Variants in KIF14 observed in about 807,000 individuals in gnomAD.
KIF14 encodes the protein kinesin family member 14, also known as kinesin-like protein KIF14.
A neutral mutation model predicts 176.2 loss-of-function variants in KIF14; 98 were observed. The ratio of observed to expected loss-of-function variants is 0.56; its 90% confidence interval spans 0.47 to 0.66. KIF14 has a LOEUF of 0.66. Among genes scored for constraint, KIF14 ranks in the 30% least tolerant of loss-of-function variants. The probability of loss-of-function intolerance (pLI) is 0.00; values close to 1 mark genes in which losing one functional copy is unlikely to be tolerated. For synonymous variants in KIF14, 566 were observed against 632.2 expected, an observed-to-expected ratio of 0.90 and a Z score of 1.57; for missense variants, 1,751 against 1,920.4, an observed-to-expected ratio of 0.91 and a Z score of 1.65.
intron 22 of KIF14, among the ~76,000 whole-genome samples, chr1:200,571,419 A>G (rs529382203): frequency 1.3e-5 from 2 of 152,036 alleles, no homozygotes; most frequent in African/African-American, 4.8e-5. Flanking sequence ...AATGGAGGCT[A>G]CCCTTTCTGC....
chr1:200,601,942 G>C lies in KIF14; in HGVS notation c.2106C>G (p.Val702=). 1.2e-6 allele frequency: 2 copies of C among 1,612,734 alleles called. No individual in the cohort carries two copies. Among genetic ancestry groups the C allele is most frequent in the Non-Finnish European group, 1.7e-6 (2 of 1,179,242 alleles). ...LRYANQARLI[V]NIAKVNEDMN... ...TATCTTCATTTACTTTAGCAATGTT[G>C]ACTATTAAACGGGCTTGGTTAGCAT... Residue 702 remains valine, a synonymous_variant, in exon 11 of 30, where the codon GTC becomes GTG. Coordinates refer to ENST00000367350, the MANE Select transcript of KIF14 (RefSeq NM_014875.3).
chr1:200,597,432 C>T (rs1659410118), intron 14 of KIF14, among the ~76,000 whole-genome samples: 1 of 151,960 alleles, frequency 6.6e-6, no homozygotes, highest in South Asian at 2.1e-4. Flanking sequence ...CAATAGTAAA[C>T]AAAAATGGCC....
At chr1:200,586,294 AT>A in intron 18 of KIF14, 67 bp from the exon 19 acceptor site, 1 of 1,314,016 alleles carries the variant, frequency 7.6e-7, no homozygotes, top group Non-Finnish European at 1.0e-6. Flanking sequence ...ATAACACCAC[AT>A]TGAGATGATG....
chr1:200,565,389 C>T, intron 24 of KIF14, 56 bp downstream of exon 24: 3 of 1,452,530 alleles, frequency 2.1e-6, no homozygotes, highest in Non-Finnish European at 2.8e-6. Flanking sequence ...AAACAAAGTG[C>T]AATGTGCAGA....
Position 200,568,921 on chromosome 1 carries a change from ATTTTTT to A in KIF14, c.3661+984_3661+989del, listed in dbSNP as rs144531910. ...AGTAGTCTATTGTTAGCAGGTAGTA[ATTTTTT>A]TTTTTTTTTTTTTTTGAGATGGAGT... is the stretch of plus-strand genomic sequence containing the variant. On this transcript the variant is annotated intron_variant, in intron 23 of 29. Transcript: ENST00000367350. Among the ~76,000 whole-genome samples, 7 of 106,660 alleles carry A rather than the reference ATTTTTT, an allele frequency of 6.6e-5. No individual in the cohort carries two copies. The South Asian group carries it at 8.8e-4, about 13-fold the overall frequency. The allele number at this position is 106,660 out of a possible 152,430, so 70.0% of individuals were successfully genotyped here.
intron 14 of KIF14, among the ~76,000 whole-genome samples, chr1:200,595,046 A>G (rs1357038493): frequency 6.6e-6 from 1 of 152,134 alleles, no homozygotes; most frequent in Non-Finnish European, 1.5e-5. Context: ...ATTTTCCCAT[A>G]AGAACCCCAT....
At chr1:200,587,529 T>C (rs1335404360) in intron 18 of KIF14, among the ~76,000 whole-genome samples, 1 of 152,104 alleles carries the variant, frequency 6.6e-6, no homozygotes, top group African/African-American at 2.4e-5. Flanking sequence ...AATAATTGTT[T>C]TGGGGCCGGG....
chr1:200,551,869 G>A lies in KIF14; in HGVS notation c.*1519C>T, dbSNP rs950748065. ...TTATTGACTAATAAAAACACATATA[G>A]AGCTTCAGAAAGAATACAAGGTCAA... On this transcript the variant is annotated 3_prime_UTR_variant, in exon 30 of 30. Coordinates refer to ENST00000367350, the MANE Select transcript of KIF14 (RefSeq NM_014875.3). 2 of 152,160 alleles carry A rather than the reference G, an allele frequency of 1.3e-5. No individual in the cohort carries two copies. The highest frequency in any genetic ancestry group is 6.5e-5 in the Admixed American group (1 of 15,272). 9.4% of individuals were successfully genotyped at this position (152,160 alleles called of 1,614,324 possible). A position where few individuals can be genotyped will look rare whatever the true frequency, so the allele number is the denominator to read the frequency against.
rs1337785766 is a variant in KIF14 at position 200,600,040 on chromosome 1, G to A, written c.2364+10C>T. 5.3e-6 allele frequency: 8 copies of A among 1,508,368 alleles called. No homozygotes were observed. The South Asian group carries it at 8.2e-5, about 15-fold the overall frequency. The allele number at this position is 1,508,368 out of a possible 1,614,324, so 93.4% of individuals were successfully genotyped here. On this transcript the variant is annotated intron_variant, in intron 13 of 29. Transcript: ENST00000367350. ...TATTTTCTAATCAGTTTAGAAAGTT[G>A]AAATAATACCTGTAACTCTTTTGTT...
In KIF14 at chr1:200,556,002, C is replaced by A. The variant is rs115344554; in HGVS notation, c.4354-548G>T. Among the ~76,000 whole-genome samples the A allele has an allele frequency of 2.7e-3, 407 of 152,208 alleles. 3 individuals are homozygous for A. Among genetic ancestry groups the A allele is most frequent in the African/African-American group, 9.4e-3 (392 of 41,530 alleles). On this transcript the variant is annotated intron_variant, in intron 27 of 29. Transcript: ENST00000367350. ...GGAAGGGGGTAAGTAACATATCAAG[C>A]AAATACTATACTCTAAAAACTTTAC...
rs764348405 is a variant in KIF14 at position 200,601,990 on chromosome 1, T to C, written c.2058A>G (p.Glu686=). The change falls in exon 11 of 30, where the codon GAA becomes GAG. Residue 686 remains glutamate, a synonymous_variant. Transcript: ENST00000367350. ...ATISPAASNI[E]ETLSTLRYAN... ...CATATCTAAGTGTGCTTAATGTTTC[T>C]TCTATGTTGCTGGCAGCGGGACTAA... is the stretch of plus-strand genomic sequence containing the variant. 1.2e-6 allele frequency: 2 copies of C among 1,613,964 alleles called. No individual in the cohort carries two copies. Among genetic ancestry groups the C allele is most frequent in the Non-Finnish European group, 1.7e-6 (2 of 1,179,914 alleles).
rs77750657 is a variant in KIF14, at chr1:200,585,801, C to T, written c.3241+300G>A. Among the ~76,000 whole-genome samples, 266 of 152,298 alleles carry T rather than the reference C, an allele frequency of 1.7e-3. 1 individual carries two copies. The highest frequency in any genetic ancestry group is 3.0e-3 in the Non-Finnish European group (202 of 68,030). On this transcript the variant is annotated intron_variant, in intron 19 of 29. Transcript: ENST00000367350. ...ATCTATGAGGGCTCTACCCTCATGA[C>T]TTACTCACCTGCCAAAGACCTCCAC...
At chr1:200,582,602 C>A (rs1322691547) in intron 19 of KIF14, among the ~76,000 whole-genome samples, 1 of 152,120 alleles carries the variant, frequency 6.6e-6, no homozygotes, top group Non-Finnish European at 1.5e-5. Context: ...GTAATCCCAG[C>A]ACTTTGGGAG....
rs192103805 is a variant in KIF14, at chr1:200,573,062, C to T, written c.3566+2529G>A. 2.7e-4 allele frequency among the ~76,000 whole-genome samples: 41 copies of T among 152,216 alleles called. 1 individual carries two copies. Among genetic ancestry groups the T allele is most frequent in the African/African-American group, 8.9e-4 (37 of 41,532 alleles). On this transcript the variant is annotated intron_variant, in intron 22 of 29. Coordinates refer to ENST00000367350, the MANE Select transcript of KIF14 (RefSeq NM_014875.3). ...AATCAGAGCTGCCATTTATTGAATG[C>T]CCACCCACCGTAATAGGAGCTTTAT...
chr1:200,618,640 A>T lies in KIF14; in HGVS notation c.84T>A (p.Asn28Lys). 2 of 1,614,022 alleles carry T rather than the reference A, an allele frequency of 1.2e-6. No homozygotes were observed. Among genetic ancestry groups the T allele is most frequent in the East Asian group, 4.5e-5 (2 of 44,884 alleles). ...IPSSQNSSSL[N>K]ALTHSSRLKL... is the part of the protein sequence containing the mutation. ...TAAGTCGGCTACTGTGGGTGAGGGC[A>T]TTCAGTGATGAACTATTTTGGGAAG... Residue 28 changes from asparagine (N) to lysine (K), a missense_variant, in exon 2 of 30, where the codon AAT becomes AAA. Coordinates refer to ENST00000367350, the MANE Select transcript of KIF14 (RefSeq NM_014875.3).
chr1:200,573,095 A>G (rs934220461), intron 22 of KIF14, among the ~76,000 whole-genome samples: 5 of 152,222 alleles, frequency 3.3e-5, no homozygotes, highest in African/African-American at 1.2e-4. Flanking sequence ...TATATGCACT[A>G]TCTCTAATCC....
chr1:200,609,639 A>C (rs1351383130), intron 4 of KIF14, among the ~76,000 whole-genome samples: 1 of 152,180 alleles, frequency 6.6e-6, no homozygotes, highest in Non-Finnish European at 1.5e-5. Context: ...ACAGAGTGAG[A>C]CTCCATCTCA....
Position 200,565,622 on chromosome 1 carries a change from AG to A in KIF14, c.3708del (p.Leu1238PhefsTer8). The A allele has an allele frequency of 6.2e-7, 1 of 1,610,316 alleles. No individual in the cohort carries two copies. Among genetic ancestry groups the A allele is most frequent in the Non-Finnish European group, 8.5e-7 (1 of 1,179,392 alleles). On this transcript the variant is annotated frameshift_variant, in exon 24 of 30. Transcript: ENST00000367350. LOFTEE classifies it high-confidence loss of function. Reference sequence around the variant, plus strand: ...AATTCTTTGCAAATTCCAGGAAGAAAGGACTCTGCTGAATTTGAGTAAATAG... The same window carrying A: ...AATTCTTTGCAAATTCCAGGAAGAAAGACTCTGCTGAATTTGAGTAAATAG... Reference protein sequence around the residue: ...SSTIYSNSAESFLPGICKELI... With the variant: ...SSTIYSNSAEXFLPGICKELI...
At chr1:200,571,244 G>A (rs989298407) in intron 22 of KIF14, among the ~76,000 whole-genome samples, 2 of 151,808 alleles carry the variant, frequency 1.3e-5, no homozygotes, top group East Asian at 1.9e-4. Context: ...AAACCTGGGA[G>A]GGGGAGCTTA....
Sources: gnomAD v4.1 joint callset for allele counts (sites outside exome capture counted in the v4.1 genomes callset) on GRCh38, gnomAD v4.1.1 for gene constraint, MANE v1.5 for transcripts, NCBI Gene and HGNC (gene_info 2026-07-23, HGNC 2026-07-21) for gene names.